The following ZHX2 variants were observed in gnomAD, a reference collection of about 807,000 sequenced individuals.
The protein encoded by ZHX2 is zinc fingers and homeoboxes protein 2.
ZHX2 carries 6 observed loss-of-function variants against 21.9 expected under a neutral mutation model. The observed-to-expected ratio is 0.27, with a 90% CI of 0.15 to 0.54. ZHX2 has a LOEUF of 0.54. Ranked by LOEUF, ZHX2 falls within the 20% of genes least tolerant of loss-of-function variation. The pLI is 0.95. For missense variants in ZHX2, 908 were observed against 1,090.7 expected (o/e 0.83, Z 2.36); for synonymous variants, 434 against 437.1 (o/e 0.99, Z 0.09).
intron 2 of ZHX2, among the ~76,000 whole-genome samples, chr8:122,877,841 C>G (rs999514782): frequency 3.9e-5 from 6 of 152,120 alleles, no homozygotes; most frequent in Non-Finnish European, 1.5e-5. Flanking sequence ...GAAGGAAGCA[C>G]GATCTGGTTT....
chr8:122,932,756 G>A (rs528281647), intron 2 of ZHX2, among the ~76,000 whole-genome samples: 181 of 152,216 alleles, frequency 1.2e-3, no homozygotes, highest in African/African-American at 2.6e-3. Context: ...CCCTTTTCAC[G>A]TCATCCAAAT....
At position 122,953,989 on chromosome 8, in the gene ZHX2, T is replaced by TC. The variant is rs1813226871; in HGVS notation, c.2481dup (p.Asp828ArgfsTer17). On this transcript the variant is annotated frameshift_variant, in exon 3 of 4. Coordinates refer to ENST00000314393, the MANE Select transcript of ZHX2 (RefSeq NM_014943.5). LOFTEE classifies it low-confidence loss of function (END_TRUNC). The surrounding 1 kb of genome is among the most constrained non-coding windows in gnomAD (Gnocchi z 4.6). ...TGTGTCGGAACTGGCTGAATCAGAC[T>TC]CCGACTGCGTCCCTGCAGAGGCTGG... 6.2e-7 allele frequency: 1 copy of TC among 1,609,432 alleles called. No homozygotes were observed. The highest frequency in any genetic ancestry group is 1.3e-5 in the African/African-American group (1 of 74,874).
intron 1 of ZHX2, among the ~76,000 whole-genome samples, chr8:122,833,699 TAAGA>T (rs1445753961): frequency 2.0e-5 from 3 of 151,910 alleles, no homozygotes; most frequent in Non-Finnish European, 4.4e-5. Context: ...AGGGCAGGAC[TAAGA>T]AAGAGTGAGC....
At chr8:122,910,045 C>A (rs1395919412) in intron 2 of ZHX2, among the ~76,000 whole-genome samples, 1 of 151,968 alleles carries the variant, frequency 6.6e-6, no homozygotes, top group Non-Finnish European at 1.5e-5. Context: ...CTCAGACATC[C>A]TCCTTCCCTC....
intron 3 of ZHX2, among the ~76,000 whole-genome samples, chr8:122,957,460 T>C (rs947650998): frequency 3.3e-4 from 25 of 76,586 alleles, no homozygotes; most frequent in Admixed American, 4.0e-4. Context: ...GGAGGTCCAT[T>C]GTTTTGTTTT....
rs1818315007 is a variant in ZHX2, at chr8:122,828,896, ATAAT to A, written c.-282-34579_-282-34576del. ...CAGAGTACCCAGGAGATGGCAGATA[ATAAT>A]TCATTTATTTATCCACTACAAATTG... On this transcript the variant is annotated intron_variant, in intron 1 of 3. Transcript: ENST00000314393. The surrounding 1 kb of genome is among the most constrained non-coding windows in gnomAD (Gnocchi z 5.2). 6.6e-6 allele frequency among the ~76,000 whole-genome samples: 1 copy of A among 151,982 alleles called. No individual in the cohort carries two copies. The highest frequency in any genetic ancestry group is 1.5e-5 in the Non-Finnish European group (1 of 68,032).
In ZHX2 at chr8:122,952,940, G is replaced by A; in HGVS notation, c.1430G>A (p.Gly477Asp). The change falls in exon 3 of 4, where the codon GGC (glycine) becomes GAC (aspartate). Residue 477 changes from glycine (G) to aspartate (D), a missense_variant. Gly to Asp is a moderately conservative substitution (Grantham distance 94, BLOSUM62 -1). Around this residue, in one of 4 missense-constraint regions of ZHX2, gnomAD observed 232 missense variants for 361.8 expected, o/e 0.64. Coordinates refer to ENST00000314393, the MANE Select transcript of ZHX2 (RefSeq NM_014943.5). The surrounding 1 kb of genome is among the most constrained non-coding windows in gnomAD (Gnocchi z 6.9). ...GTTTACCGGCTCATCGAGGTGACTG[G>A]CCTTGCCAGGAGCGAGATCAAGAAG... ...AEVYRLIEVT[G>D]LARSEIKKWF... is the part of the protein sequence containing the mutation. The A allele has an allele frequency of 1.2e-6, 2 of 1,614,138 alleles. No homozygotes were observed. The highest frequency in any genetic ancestry group is 1.7e-6 in the Non-Finnish European group (2 of 1,180,046).
chr8:122,965,794 G>C (rs1308886980), intron 3 of ZHX2, among the ~76,000 whole-genome samples: 1 of 151,942 alleles, frequency 6.6e-6, no homozygotes, highest in East Asian at 1.9e-4. Flanking sequence ...TCATTTCTTA[G>C]GTCTAGTAGT....
intron 2 of ZHX2, among the ~76,000 whole-genome samples, chr8:122,944,001 C>T (rs1283374691): frequency 6.6e-6 from 1 of 152,232 alleles, no homozygotes; most frequent in Non-Finnish European, 1.5e-5. Context: ...CAGTCCTTGT[C>T]ATTCCTCAAA....
chr8:122,840,822 A>C (rs1199838541), intron 1 of ZHX2, among the ~76,000 whole-genome samples: 1 of 152,136 alleles, frequency 6.6e-6, no homozygotes, highest in Non-Finnish European at 1.5e-5. Context: ...CCCCATTGTC[A>C]GTACCCATTT....
At chr8:122,954,721 G>A (rs892292732) in intron 3 of ZHX2, among the ~76,000 whole-genome samples, 1 of 152,174 alleles carries the variant, frequency 6.6e-6, no homozygotes, top group Non-Finnish European at 1.5e-5. Flanking sequence ...GCTGTGGCCT[G>A]TTTGGGCTCC....
At position 122,953,771 on chromosome 8, in the gene ZHX2, A is replaced by C; in HGVS notation, c.2261A>C (p.Glu754Ala). 6.2e-7 allele frequency: 1 copy of C among 1,614,288 alleles called. No individual in the cohort carries two copies. The highest frequency in any genetic ancestry group is 8.5e-7 in the Non-Finnish European group (1 of 1,180,060). Residue 754 changes from glutamate (E) to alanine (A), a missense_variant, in exon 3 of 4, where the codon GAG becomes GCG. Coordinates refer to ENST00000314393, the MANE Select transcript of ZHX2 (RefSeq NM_014943.5). This position sits in a 1 kb window ranked among gnomAD's most constrained non-coding sequence, Gnocchi z 4.6. ...GTGACCAGGGTAAAAGTAGGCAGCG[A>C]GCCAGCAAAAGACTGTTTGCCAGCA... ...KLVTRVKVGS[E>A]PAKDCLPAKP...
intron 2 of ZHX2, among the ~76,000 whole-genome samples, chr8:122,894,636 GAGCCTGTT>G (rs1820054301): frequency 6.6e-6 from 1 of 152,150 alleles, no homozygotes; most frequent in African/African-American, 2.4e-5. Flanking sequence ...TCATACACCA[GAGCCTGTT>G]ATGGGGTGCG....
chr8:122,896,461 A>C (rs944622411), intron 2 of ZHX2, among the ~76,000 whole-genome samples: 2 of 152,352 alleles, frequency 1.3e-5, no homozygotes, highest in East Asian at 3.9e-4. Context: ...TGCATTGTGT[A>C]TACCATATCT....
chr8:122,813,144 C>T (rs1452303857), intron 1 of ZHX2, among the ~76,000 whole-genome samples: 1 of 149,024 alleles, frequency 6.7e-6, no homozygotes, highest in Non-Finnish European at 1.5e-5. Context: ...TGTGGTGAGC[C>T]AAGATCACGC....
intron 3 of ZHX2, among the ~76,000 whole-genome samples, chr8:122,959,728 C>G (rs927389032): frequency 1.3e-5 from 2 of 152,118 alleles, no homozygotes; most frequent in African/African-American, 4.8e-5. Flanking sequence ...AAGAGAAAGG[C>G]CTGTTGGAGA....
At chr8:122,899,359 A>G (rs1487775888) in intron 2 of ZHX2, among the ~76,000 whole-genome samples, 1 of 152,172 alleles carries the variant, frequency 6.6e-6, no homozygotes, top group Non-Finnish European at 1.5e-5. Context: ...CTACTCAGTC[A>G]GAGCAGGGCT....
At chr8:122,891,215 C>A (rs1310938267) in intron 2 of ZHX2, among the ~76,000 whole-genome samples, 1 of 147,986 alleles carries the variant, frequency 6.8e-6, no homozygotes, top group Non-Finnish European at 1.5e-5. Flanking sequence ...TTGATTTAAT[C>A]TTCATTATTG....
At chr8:122,967,306 G>C (rs1490872675) in intron 3 of ZHX2, among the ~76,000 whole-genome samples, 1 of 152,110 alleles carries the variant, frequency 6.6e-6, no homozygotes, top group Admixed American at 6.5e-5. Flanking sequence ...GGAACTCAAG[G>C]GCTGCTGTTC....
Sources: gnomAD v4.1 joint callset for allele counts (sites outside exome capture counted in the v4.1 genomes callset) on GRCh38, gnomAD v4.1.1 for gene constraint, gnomAD v4.1.1 regional missense constraint, Gnocchi (gnomAD v3.1) non-coding constraint, MANE v1.5 for transcripts, NCBI Gene and HGNC (gene_info 2026-07-23, HGNC 2026-07-21) for gene names.